Variants in PGM5 observed in about 807,000 individuals in gnomAD.
The protein encoded by PGM5 is phosphoglucomutase 5, also known as phosphoglucomutase-like protein 5.
In PGM5, 23 loss-of-function variants were observed where a neutral mutation model predicts 59.2. The ratio of observed to expected loss-of-function variants is 0.39; its 90% CI spans 0.28 to 0.55. PGM5 has a LOEUF of 0.55. Among genes scored for constraint, PGM5 ranks in the 20% least tolerant of loss-of-function variants. The probability of loss-of-function intolerance (pLI) is 0.66; values close to 1 mark genes in which losing one functional copy is unlikely to be tolerated. For synonymous variants in PGM5, 214 were observed against 286.0 expected, an observed-to-expected ratio of 0.75 and a Z score of 2.54; for missense variants, 574 against 748.3, an observed-to-expected ratio of 0.77 and a Z score of 2.72.
At chr9:68,371,416 C>A (rs199826037) in intron 1 of PGM5, among the ~76,000 whole-genome samples, 1 of 152,102 alleles carries the variant, frequency 6.6e-6, no homozygotes, top group Non-Finnish European at 1.5e-5. Flanking sequence ...ATTTCTAGGA[C>A]TTTTTCAGAG....
At chr9:68,411,424 T>C (rs1407679231) in intron 6 of PGM5, among the ~76,000 whole-genome samples, 1 of 135,338 alleles carries the variant, frequency 7.4e-6, no homozygotes, top group Non-Finnish European at 1.6e-5. Flanking sequence ...CATACATGTG[T>C]GTATATATAT....
chr9:68,496,878 G>A (rs1339836437), intron 9 of PGM5: 3 of 152,142 alleles, frequency 2.0e-5, no homozygotes, highest in African/African-American at 7.2e-5. Context: ...CAAGTGACTT[G>A]GAATCTGCAA....
At chr9:68,410,517 TATC>T (rs1264919125) in intron 6 of PGM5, among the ~76,000 whole-genome samples, 1 of 151,936 alleles carries the variant, frequency 6.6e-6, no homozygotes, top group Non-Finnish European at 1.5e-5. Context: ...TGACATAAAC[TATC>T]ATGATGATAT....
chr9:68,529,755 G>A lies in PGM5; in HGVS notation c.*99G>A. 4.0e-5 allele frequency: 16 copies of A among 398,890 alleles called. No homozygotes were observed. The highest frequency in any genetic ancestry group is 5.3e-5 in the Non-Finnish European group (12 of 226,086). 24.7% of individuals were successfully genotyped at this position (398,890 alleles called of 1,614,324 possible). A position where few individuals can be genotyped will look rare whatever the true frequency, so the allele number is the denominator to read the frequency against. ...CCTGTTTGTGCCTCTTATGACTTTG[G>A]AAAAACAAAAGATATTTTGCTTTTG... On this transcript the variant is annotated 3_prime_UTR_variant, in exon 11 of 11. Transcript: ENST00000396396.
At chr9:68,470,086 G>A (rs140417434) in intron 7 of PGM5, among the ~76,000 whole-genome samples, 15 of 152,198 alleles carry the variant, frequency 9.9e-5, no homozygotes, top group African/African-American at 3.6e-4. Flanking sequence ...ATAATTATTA[G>A]CACAAACTAA....
At position 68,357,504 on chromosome 9, in the gene PGM5, G is replaced by C. The variant is rs1336269402; in HGVS notation, c.261+116G>C. On this transcript the variant is annotated intron_variant, in intron 1 of 10. Coordinates refer to ENST00000396396, the MANE Select transcript of PGM5 (RefSeq NM_021965.4). The stretch of plus-strand genomic sequence containing the variant: ...GAGGCCCCTGCCCGGCCCCGGCTTT[G>C]CTACCTCACTCCCGCGTCCTCACCC... 11 of 1,499,218 alleles carry C rather than the reference G, an allele frequency of 7.3e-6. No homozygotes were observed. The East Asian group carries it at 2.5e-4, about 34-fold the overall frequency. 92.9% of individuals were successfully genotyped at this position (1,499,218 alleles called of 1,614,324 possible).
At chr9:68,421,929 A>G (rs1823137310) in intron 6 of PGM5, among the ~76,000 whole-genome samples, 1 of 152,132 alleles carries the variant, frequency 6.6e-6, no homozygotes, top group South Asian at 2.1e-4. Flanking sequence ...AATGGTTTAA[A>G]ATTAAAAATT....
intron 6 of PGM5, among the ~76,000 whole-genome samples, chr9:68,401,431 T>C (rs1166058770): frequency 6.6e-6 from 1 of 152,182 alleles, no homozygotes; most frequent in African/African-American, 2.4e-5. Flanking sequence ...GGGAAGGGCA[T>C]TGTCGTTATT....
chr9:68,365,517 T>A (rs536106385), intron 1 of PGM5, among the ~76,000 whole-genome samples: 2 of 152,328 alleles, frequency 1.3e-5, no homozygotes, highest in African/African-American at 4.8e-5. Context: ...TTCAAATATC[T>A]TACATATCTT....
In PGM5 at chr9:68,357,366, T is replaced by G. The variant is rs1224533580; in HGVS notation, c.239T>G (p.Val80Gly). ...YFSRTAIEIV[V>G]QMAAANGIGR... The stretch of plus-strand genomic sequence containing the variant: ...AGCAGGACGGCCATCGAGATCGTGG[T>G]GCAGATGGCCGCGGCCAACGGGGTG... Residue 80 changes from valine (V) to glycine (G), a missense_variant, in exon 1 of 11, where the codon GTG (valine) becomes GGG (glycine). Transcript: ENST00000396396. 5 of 1,560,648 alleles carry G rather than the reference T, an allele frequency of 3.2e-6. No homozygotes were observed. In the Admixed American group the frequency reaches 9.4e-5, roughly 29 times the overall value.
chr9:68,474,208 T>C (rs1018461879), intron 7 of PGM5, among the ~76,000 whole-genome samples: 2 of 152,196 alleles, frequency 1.3e-5, no homozygotes, highest in Admixed American at 1.3e-4. Context: ...GATTCTAATG[T>C]GCAGTGCAGG....
intron 4 of PGM5, among the ~76,000 whole-genome samples, chr9:68,391,131 G>A (rs1822352818): frequency 6.6e-6 from 1 of 151,886 alleles, no homozygotes. Context: ...ATACTTGGCA[G>A]AGTCCAAATG....
intron 9 of PGM5, among the ~76,000 whole-genome samples, chr9:68,495,337 A>G (rs1824466144): frequency 1.3e-5 from 2 of 152,240 alleles, no homozygotes; most frequent in African/African-American, 4.8e-5. Flanking sequence ...ATAGTCATGC[A>G]AGTCATGAGG....
At chr9:68,387,432 A>G (rs782692716) in intron 3 of PGM5, 31 bp from the exon 4 acceptor site, 3 of 1,572,172 alleles carry the variant, frequency 1.9e-6, no homozygotes, top group Non-Finnish European at 2.6e-6. Flanking sequence ...GGTACAGTCA[A>G]TGACATTTTC....
At chr9:68,459,528 A>G (rs1207741342) in intron 6 of PGM5, among the ~76,000 whole-genome samples, 1 of 152,156 alleles carries the variant, frequency 6.6e-6, no homozygotes, top group African/African-American at 2.4e-5. Flanking sequence ...TGTTTCATCT[A>G]ATGGCAGGCA....
chr9:68,432,945 G>A lies in PGM5; in HGVS notation c.1044-32148G>A, dbSNP rs191999360. Among the ~76,000 whole-genome samples, 5 of 151,730 alleles carry A rather than the reference G, an allele frequency of 3.3e-5. No homozygotes were observed. The East Asian group carries it at 7.7e-4, about 23-fold the overall frequency. On this transcript the variant is annotated intron_variant, in intron 6 of 10. Coordinates refer to ENST00000396396, the MANE Select transcript of PGM5 (RefSeq NM_021965.4). ...TTTTTTTAAACAGTTATTTTATTCCGTTATACCATGATGGAATCTTGTACA... is the reference window on the plus strand; with the variant it reads ...TTTTTTTAAACAGTTATTTTATTCCATTATACCATGATGGAATCTTGTACA...
intron 6 of PGM5, among the ~76,000 whole-genome samples, chr9:68,435,590 A>G (rs1211066594): frequency 6.6e-6 from 1 of 152,222 alleles, no homozygotes; most frequent in Non-Finnish European, 1.5e-5. Flanking sequence ...TGTAGCATGT[A>G]TCAGAACTTT....
chr9:68,419,131 A>G (rs902970240), intron 6 of PGM5, among the ~76,000 whole-genome samples: 2 of 152,220 alleles, frequency 1.3e-5, no homozygotes, highest in Admixed American at 1.3e-4. Context: ...TAAATGTAAC[A>G]CACAATTGAT....
intron 2 of PGM5, among the ~76,000 whole-genome samples, chr9:68,379,061 C>T (rs1455895586): frequency 1.3e-5 from 2 of 152,214 alleles, no homozygotes; most frequent in African/African-American, 2.4e-5. Context: ...TTTTTGTATG[C>T]ATCTCTAAAA....
Sources: gnomAD v4.1 joint callset for allele counts (sites outside exome capture counted in the v4.1 genomes callset) on GRCh38, gnomAD v4.1.1 for gene constraint, MANE v1.5 for transcripts, NCBI Gene and HGNC (gene_info 2026-07-23, HGNC 2026-07-21) for gene names.